AKAP19: variants seen among roughly 807,000 people sequenced by gnomAD.
AKAP19 encodes A-kinase anchoring protein 19, also known as small A-kinase anchoring protein.
chr2:190,064,865 G>A, the AKAP19 span, among the ~76,000 whole-genome samples: 1 of 152,040 alleles, frequency 6.6e-6, no homozygotes, highest in African/African-American at 2.4e-5. Context: ...AGTGAACAAA[G>A]GTTGTCATTT....
At chr2:190,075,014 C>T in the AKAP19 span, among the ~76,000 whole-genome samples, 361 of 152,134 alleles carry the variant, frequency 2.4e-3, 2 homozygotes, top group African/African-American at 8.0e-3. Flanking sequence ...ATTAGCTAGG[C>T]GTGTTTACCA....
the AKAP19 span, among the ~76,000 whole-genome samples, chr2:189,969,295 C>A: frequency 6.6e-6 from 1 of 152,142 alleles, no homozygotes; most frequent in Non-Finnish European, 1.5e-5. Flanking sequence ...AGTGAGATGA[C>A]TGCCTCTATG....
At chr2:190,155,024 C>T in the AKAP19 span, among the ~76,000 whole-genome samples, 5 of 152,226 alleles carry the variant, frequency 3.3e-5, no homozygotes, top group Non-Finnish European at 2.9e-5. Flanking sequence ...AGCATTTGAA[C>T]TTGTGCTCCT....
the AKAP19 span, among the ~76,000 whole-genome samples, chr2:189,987,437 C>T: frequency 2.6e-5 from 4 of 152,300 alleles, no homozygotes; most frequent in African/African-American, 9.6e-5. Flanking sequence ...TGGGGAATTA[C>T]ACTGCCAATG....
the AKAP19 span, among the ~76,000 whole-genome samples, chr2:190,017,197 C>T: frequency 1.3e-5 from 2 of 152,072 alleles, no homozygotes; most frequent in African/African-American, 4.8e-5. Context: ...TTCTTATAGG[C>T]ATCATATAAT....
the AKAP19 span, among the ~76,000 whole-genome samples, chr2:189,935,363 C>T: frequency 1.3e-5 from 2 of 151,800 alleles, no homozygotes; most frequent in Non-Finnish European, 2.9e-5. Context: ...AAAGAAGTTG[C>T]TATTTTCAAG....
At chr2:190,105,691 AC>A in the AKAP19 span, among the ~76,000 whole-genome samples, 1 of 152,178 alleles carries the variant, frequency 6.6e-6, no homozygotes, top group African/African-American at 2.4e-5. Flanking sequence ...AGTCGATGTC[AC>A]TATGAATTCA....
chr2:189,938,669 G>C, the AKAP19 span, among the ~76,000 whole-genome samples: 1 of 152,114 alleles, frequency 6.6e-6, no homozygotes, highest in Non-Finnish European at 1.5e-5. Flanking sequence ...GGTGACTATA[G>C]TCAATAATAA....
the AKAP19 span, among the ~76,000 whole-genome samples, chr2:190,059,417 A>C: frequency 1.3e-5 from 2 of 151,980 alleles, no homozygotes; most frequent in African/African-American, 4.8e-5. Flanking sequence ...GAAATAAGCT[A>C]GGTGGCAAAG....
At chr2:190,197,692 A>C in the AKAP19 span, among the ~76,000 whole-genome samples, 1 of 152,212 alleles carries the variant, frequency 6.6e-6, no homozygotes, top group African/African-American at 2.4e-5. This position sits in a 1 kb window ranked among gnomAD's most constrained non-coding sequence, Gnocchi z 4.0. Flanking sequence ...CAGGGATCAC[A>C]ATCCAGTGTT....
chr2:190,131,055 G>A, the AKAP19 span, among the ~76,000 whole-genome samples: 1 of 152,116 alleles, frequency 6.6e-6, no homozygotes, highest in South Asian at 2.1e-4. Context: ...CCTTGTAACA[G>A]GGCTCCTGAA....
chr2:190,175,260 G>A, the AKAP19 span, among the ~76,000 whole-genome samples: 1 of 152,134 alleles, frequency 6.6e-6, no homozygotes, highest in Admixed American at 6.5e-5. Flanking sequence ...ATCTTGTATA[G>A]GAAGATGAGG....
the AKAP19 span, among the ~76,000 whole-genome samples, chr2:190,053,706 T>C: frequency 6.6e-6 from 1 of 152,212 alleles, no homozygotes; most frequent in Admixed American, 6.5e-5. Context: ...AGTACTCGTA[T>C]GTTTTATTTT....
chr2:190,094,902 A>C, the AKAP19 span, among the ~76,000 whole-genome samples: 1 of 152,258 alleles, frequency 6.6e-6, no homozygotes, highest in African/African-American at 2.4e-5. Flanking sequence ...CAAGAAAAAT[A>C]GTATTCAAAG....
the AKAP19 span, among the ~76,000 whole-genome samples, chr2:189,988,013 G>A: frequency 2.3e-4 from 35 of 152,080 alleles, no homozygotes; most frequent in African/African-American, 8.2e-4. Context: ...GGGTGGTGGC[G>A]GGGGGCAGTG....
chr2:189,976,595 C>G, the AKAP19 span, among the ~76,000 whole-genome samples: 12 of 152,350 alleles, frequency 7.9e-5, no homozygotes, highest in South Asian at 2.3e-3. Context: ...CAGAGGCAGG[C>G]AGGCCTCCTT....
At chr2:190,042,358 G>C in the AKAP19 span, among the ~76,000 whole-genome samples, 1 of 151,874 alleles carries the variant, frequency 6.6e-6, no homozygotes, top group Non-Finnish European at 1.5e-5. Flanking sequence ...GGGGCCGGTG[G>C]TAACATTCCC....
chr2:190,128,077 A>C, the AKAP19 span, among the ~76,000 whole-genome samples: 1 of 152,184 alleles, frequency 6.6e-6, no homozygotes, highest in Non-Finnish European at 1.5e-5. Context: ...GGTGGCACTC[A>C]ATGTGGAAAT....
At chr2:190,138,839 A>G in the AKAP19 span, among the ~76,000 whole-genome samples, 14 of 152,186 alleles carry the variant, frequency 9.2e-5, no homozygotes, top group African/African-American at 3.1e-4. Flanking sequence ...GACCCTCTTC[A>G]TTTGGGAGAC....
Sources: gnomAD v4.1 joint callset for allele counts (sites outside exome capture counted in the v4.1 genomes callset) on GRCh38, gnomAD v4.1.1 for gene constraint, Gnocchi (gnomAD v3.1) non-coding constraint, MANE v1.5 for transcripts, NCBI Gene and HGNC (gene_info 2026-07-23, HGNC 2026-07-21) for gene names.